AXL: variants seen among roughly 807,000 people sequenced by gnomAD.
AXL encodes AXL receptor tyrosine kinase.
In AXL, 52 loss-of-function variants were observed where a neutral mutation model predicts 104.5. The ratio of observed to expected loss-of-function variants is 0.50; its 90% CI spans 0.40 to 0.63. The LOEUF (loss-of-function observed/expected upper bound fraction) is 0.63. AXL is among the 20% of genes least tolerant of loss of function. The pLI, the probability that AXL is intolerant of heterozygous loss-of-function variation, is 0.00. For synonymous variants in AXL, 455 were observed against 473.7 expected (o/e 0.96, Z 0.51); for missense variants, 1,024 against 1,188.5 (o/e 0.86, Z 2.04).
At chr19:41,255,181 T>A (rs948246841) in intron 17 of AXL, among the ~76,000 whole-genome samples, 1 of 152,242 alleles carries the variant, frequency 6.6e-6, no homozygotes, top group Admixed American at 6.5e-5. Context: ...GTCTGGCTTC[T>A]ATGGCTCAGC....
intron 6 of AXL, among the ~76,000 whole-genome samples, chr19:41,232,822 G>A (rs535623864): frequency 5.1e-4 from 77 of 152,096 alleles, no homozygotes; most frequent in Non-Finnish European, 9.7e-4. Context: ...GCTGTGCACC[G>A]GGTCTTGCAT....
intron 18 of AXL, among the ~76,000 whole-genome samples, chr19:41,256,841 A>G (rs149842254): frequency 6.6e-6 from 1 of 152,314 alleles, no homozygotes; most frequent in Non-Finnish European, 1.5e-5. Flanking sequence ...GTAGCAATGT[A>G]GACAGTTTAG....
chr19:41,237,593 G>A (rs1225259755), intron 6 of AXL, among the ~76,000 whole-genome samples: 1 of 152,068 alleles, frequency 6.6e-6, no homozygotes, highest in East Asian at 1.9e-4. Context: ...CTGACCACCC[G>A]CCATGCACTG....
intron 17 of AXL, among the ~76,000 whole-genome samples, chr19:41,255,226 T>C (rs2034433844): frequency 6.6e-6 from 1 of 152,164 alleles, no homozygotes; most frequent in South Asian, 2.1e-4. Flanking sequence ...GTAGGGGTAG[T>C]TTGCTCTTTT....
At chr19:41,239,665 C>T (rs2034147082) in intron 9 of AXL, 29 bp from the exon 10 acceptor site, 1 of 1,614,140 alleles carries the variant, frequency 6.2e-7, no homozygotes. Context: ...TCTCTGAGCA[C>T]ATCTCCTCTC....
chr19:41,221,976 T>G lies in AXL; in HGVS notation c.506T>G (p.Val169Gly). ...CAAGCTCAGGGACCCCCAGAGCCCG[T>G]GGACCTACTCTGGCTCCAGGATGCT... Reference protein sequence around the residue: ...SCQAQGPPEPVDLLWLQDAVP... With the variant: ...SCQAQGPPEPGDLLWLQDAVP... The change falls in exon 4 of 20, where the codon GTG (valine) becomes GGG (glycine). Residue 169 changes from valine to glycine, a missense_variant. Physicochemically the swap from Val to Gly is moderately radical, Grantham distance 109 (BLOSUM62 -3). Coordinates refer to ENST00000301178, the MANE Select transcript of AXL (RefSeq NM_021913.5). The G allele has an allele frequency of 6.2e-7, 1 of 1,611,866 alleles. No homozygotes were observed. Among genetic ancestry groups the G allele is most frequent in the Non-Finnish European group, 8.5e-7 (1 of 1,179,166 alleles).
intron 4 of AXL, among the ~76,000 whole-genome samples, chr19:41,224,802 G>GTGTT (rs911442394): frequency 5.9e-5 from 9 of 152,072 alleles, no homozygotes; most frequent in African/African-American, 2.2e-4. Context: ...GTGTGTGTGT[G>GTGTT]TGTGTGTAAC....
rs1177926109 is a variant in AXL, at chr19:41,239,215, G to A, written c.1186G>A (p.Asp396Asn). ...AGAGGTGACCCTGGAGCTGCAGGGG[G>A]ACGGGTCTGTGTCCAATCTGACAGT... ...RQEVTLELQG[D>N]GSVSNLTVCV... Residue 396 changes from aspartate (D) to asparagine (N), a missense_variant, in exon 9 of 20, where the codon GAC (aspartate) becomes AAC (asparagine). Physicochemically the swap from Asp to Asn is conservative, Grantham distance 23. Coordinates refer to ENST00000301178, the MANE Select transcript of AXL (RefSeq NM_021913.5). 1 of 1,613,244 alleles carries A rather than the reference G, an allele frequency of 6.2e-7. No homozygotes were observed. The highest frequency in any genetic ancestry group is 8.5e-7 in the Non-Finnish European group (1 of 1,179,516).
chr19:41,245,713 CAAAAAA>C lies in AXL; in HGVS notation c.1537+2021_1537+2026del, dbSNP rs371879527. Among the ~76,000 whole-genome samples the C allele has an allele frequency of 2.2e-4, 14 of 62,932 alleles. 1 individual carries two copies. Among genetic ancestry groups the C allele is most frequent in the Middle Eastern group, 9.4e-3 (1 of 106 alleles). 41.3% of individuals were successfully genotyped at this position (62,932 alleles called of 152,430 possible). ...TGGGTGATAGAGCAAGACACCGTCT[CAAAAAA>C]AAAAAAAAAAAAAAGGAATCTCATC... On this transcript the variant is annotated intron_variant, in intron 12 of 19. Coordinates refer to ENST00000301178, the MANE Select transcript of AXL (RefSeq NM_021913.5).
intron 19 of AXL, among the ~76,000 whole-genome samples, chr19:41,257,848 C>T (rs1049267643): frequency 6.6e-6 from 1 of 152,240 alleles, no homozygotes; most frequent in Non-Finnish European, 1.5e-5. Flanking sequence ...TCTGTGTGGG[C>T]TGAATCAGCC....
chr19:41,220,027 C>A (rs78092675), intron 1 of AXL, among the ~76,000 whole-genome samples: 3,215 of 152,090 alleles, frequency 0.021, 44 homozygotes, highest in Middle Eastern at 0.061. Context: ...CTGTTTCTCT[C>A]TCTTTCACAG....
At chr19:41,225,676 A>C (rs1196900910) in intron 4 of AXL, among the ~76,000 whole-genome samples, 1 of 152,156 alleles carries the variant, frequency 6.6e-6, no homozygotes, top group East Asian at 1.9e-4. Flanking sequence ...ATGAATGTAC[A>C]TCAGTGTCAG....
intron 10 of AXL, 101 bp downstream of exon 10, chr19:41,239,821 T>G: frequency 1.3e-6 from 2 of 1,501,770 alleles, no homozygotes; most frequent in Non-Finnish European, 1.8e-6. Context: ...CATGTTTCTC[T>G]AACTCATCAC....
At position 41,248,655 on chromosome 19, in the gene AXL, T is replaced by C. The variant is rs759845737; in HGVS notation, c.1633+46T>C. ...CACACATCCTTCTGAACTTCTGAGATCCTGCACTTCCACACTCCCACCCAA... is the reference window on the plus strand; with the variant it reads ...CACACATCCTTCTGAACTTCTGAGACCCTGCACTTCCACACTCCCACCCAA... On this transcript the variant is annotated intron_variant, in intron 13 of 19. Coordinates refer to ENST00000301178, the MANE Select transcript of AXL (RefSeq NM_021913.5). 5 of 1,611,904 alleles carry C rather than the reference T, an allele frequency of 3.1e-6. No individual in the cohort carries two copies. In the South Asian group the frequency reaches 5.5e-5, roughly 18 times the overall value.
At chr19:41,236,709 G>A (rs1202553042) in intron 6 of AXL, among the ~76,000 whole-genome samples, 2 of 151,604 alleles carry the variant, frequency 1.3e-5, no homozygotes, top group South Asian at 2.1e-4. Context: ...CCTAGGAGAC[G>A]GAGGTTGCAG....
intron 12 of AXL, among the ~76,000 whole-genome samples, chr19:41,247,663 C>A (rs919323551): frequency 3.3e-5 from 5 of 152,090 alleles, no homozygotes; most frequent in African/African-American, 1.2e-4. Flanking sequence ...CAGCTTACTG[C>A]AGCCTCCACC....
intron 6 of AXL, among the ~76,000 whole-genome samples, chr19:41,235,848 G>C (rs1250265459): frequency 6.6e-6 from 1 of 152,140 alleles, no homozygotes; most frequent in African/African-American, 2.4e-5. Flanking sequence ...TTTGTCAAGG[G>C]CTAAGAAAGG....
chr19:41,255,366 CTT>C lies in AXL; in HGVS notation c.2037-1084_2037-1083del, dbSNP rs552147096. ...GTCCTTTCTTCTTTCTTTTCTTTCT[CTT>C]TCTCTCTCTTTATCTCCTTCCTTCC... On this transcript the variant is annotated intron_variant, in intron 17 of 19. Transcript: ENST00000301178. Among the ~76,000 whole-genome samples the C allele has an allele frequency of 7.5e-3, 980 of 129,886 alleles. 13 individuals carry two copies. Among genetic ancestry groups the C allele is most frequent in the African/African-American group, 0.025 (916 of 36,610 alleles). The allele number at this position is 129,886 out of a possible 152,430, so 85.2% of individuals were successfully genotyped here.
intron 6 of AXL, among the ~76,000 whole-genome samples, chr19:41,233,244 C>T (rs1173229482): frequency 1.3e-5 from 2 of 152,070 alleles, no homozygotes; most frequent in African/African-American, 2.4e-5. Context: ...CCCACCTCGG[C>T]CTCCCAAAGT....
Sources: gnomAD v4.1 joint callset for allele counts (sites outside exome capture counted in the v4.1 genomes callset) on GRCh38, gnomAD v4.1.1 for gene constraint, MANE v1.5 for transcripts, NCBI Gene and HGNC (gene_info 2026-07-23, HGNC 2026-07-21) for gene names.